BICRAL: variants seen among roughly 807,000 people sequenced by gnomAD.
The protein encoded by BICRAL is BRD4-interacting chromatin-remodeling complex-associated protein-like.
BICRAL carries 8 observed loss-of-function variants against 91.8 expected under a neutral mutation model. The ratio of observed to expected loss-of-function variants is 0.09; its 90% CI spans 0.05 to 0.16. The LOEUF (loss-of-function observed/expected upper bound fraction) is 0.16. BICRAL is among the 10% of genes least tolerant of loss of function. BICRAL has a pLI of 1.00. For missense variants in BICRAL, 1,038 were observed against 1,310.9 expected, an observed-to-expected ratio of 0.79 and a Z score of 3.21; for synonymous variants, 445 against 491.1, an observed-to-expected ratio of 0.91 and a Z score of 1.24.
chr6:42,757,487 C>T (rs1359989314), intron 1 of BICRAL, among the ~76,000 whole-genome samples: 4 of 152,168 alleles, frequency 2.6e-5, no homozygotes, highest in East Asian at 1.9e-4. Flanking sequence ...CTCCTGACTT[C>T]GTGATCCACC....
chr6:42,786,308 T>TTG, intron 1 of BICRAL, among the ~76,000 whole-genome samples: 1 of 152,202 alleles, frequency 6.6e-6, no homozygotes, highest in Non-Finnish European at 1.5e-5. Flanking sequence ...TAAGGAGCAT[T>TTG]TGTTGGATAC....
chr6:42,807,550 T>G (rs1023761299), intron 1 of BICRAL, among the ~76,000 whole-genome samples: 6 of 152,056 alleles, frequency 3.9e-5, no homozygotes. Context: ...CAGTATGGAT[T>G]TCTAAAAGAT....
chr6:42,795,469 A>G (rs1368430119), intron 1 of BICRAL, among the ~76,000 whole-genome samples: 1 of 152,202 alleles, frequency 6.6e-6, no homozygotes, highest in Non-Finnish European at 1.5e-5. Flanking sequence ...AAAATGTGAC[A>G]TAAAACCTAT....
At chr6:42,830,905 C>T (rs1479360450) in intron 6 of BICRAL, among the ~76,000 whole-genome samples, 2 of 152,180 alleles carry the variant, frequency 1.3e-5, no homozygotes, top group African/African-American at 4.8e-5. Flanking sequence ...GCCACCACAC[C>T]CGACCTTTTT....
chr6:42,787,460 T>C (rs529757474), intron 1 of BICRAL, among the ~76,000 whole-genome samples: 2 of 152,142 alleles, frequency 1.3e-5, no homozygotes, highest in Admixed American at 6.5e-5. Flanking sequence ...TTGAGATTGT[T>C]TGTGGCCTTA....
intron 8 of BICRAL, 104 bp from the exon 9 acceptor site, chr6:42,855,752 T>A (rs1266264915): frequency 2.3e-6 from 2 of 884,838 alleles, no homozygotes; most frequent in Non-Finnish European, 3.7e-6. Flanking sequence ...TTAGAATATG[T>A]TCTTGATAGG....
upstream of BICRAL, among the ~76,000 whole-genome samples, chr6:42,778,903 CA>C (rs1762839649): frequency 6.6e-6 from 1 of 152,034 alleles, no homozygotes; most frequent in Admixed American, 6.6e-5. Flanking sequence ...CTGCAACCTC[CA>C]CCTCCTGAGT....
At chr6:42,794,730 C>T (rs988165674) in intron 1 of BICRAL, among the ~76,000 whole-genome samples, 1 of 149,262 alleles carries the variant, frequency 6.7e-6, no homozygotes, top group Non-Finnish European at 1.5e-5. Context: ...GGGCGGATCA[C>T]TTGAGGCCAG....
In BICRAL at chr6:42,764,954, C is replaced by T. The variant is rs115068948; in HGVS notation, c.-260-16885C>T. Among the ~76,000 whole-genome samples, 1,320 of 152,262 alleles carry T rather than the reference C, an allele frequency of 8.7e-3. 18 individuals are homozygous for T. Among genetic ancestry groups the T allele is most frequent in the African/African-American group, 0.029 (1,198 of 41,538 alleles). ...GATTACAGGCATGAGCGACCACGCC[C>T]GGCCTAGGTTATGTTTTAAAAATGT... is the stretch of plus-strand genomic sequence containing the variant. On this transcript the variant is annotated intron_variant, in intron 1 of 14. Coordinates refer to the BICRAL transcript ENST00000614467.
intron 1 of BICRAL, among the ~76,000 whole-genome samples, chr6:42,752,614 T>C (rs1762396647): frequency 6.8e-6 from 1 of 147,298 alleles, no homozygotes; most frequent in African/African-American, 2.5e-5. Flanking sequence ...GCCCAGCTAA[T>C]TTTTTTTTTT....
At chr6:42,776,120 C>T (rs952042855) in intron 1 of BICRAL, among the ~76,000 whole-genome samples, 1 of 152,008 alleles carries the variant, frequency 6.6e-6, no homozygotes, top group African/African-American at 2.4e-5. Flanking sequence ...TTCCTGGATT[C>T]AAGCAATTCT....
chr6:42,770,820 A>G (rs1267032450), intron 1 of BICRAL, among the ~76,000 whole-genome samples: 1 of 151,784 alleles, frequency 6.6e-6, no homozygotes, highest in Admixed American at 6.6e-5. Flanking sequence ...CCTACCGTGT[A>G]GCTGGGATTC....
intron 2 of BICRAL, among the ~76,000 whole-genome samples, chr6:42,814,501 A>T (rs6915672): frequency 1.4e-5 from 1 of 73,494 alleles, no homozygotes; most frequent in African/African-American, 7.7e-5. Flanking sequence ...GTGTGTGTGT[A>T]TATATATATA....
chr6:42,859,088 G>T (rs535835635), intron 10 of BICRAL, among the ~76,000 whole-genome samples: 1 of 151,802 alleles, frequency 6.6e-6, no homozygotes, highest in Non-Finnish European at 1.5e-5. Flanking sequence ...AAGATCCAGC[G>T]TTAAACAGGG....
intron 2 of BICRAL, among the ~76,000 whole-genome samples, chr6:42,821,561 C>A (rs1047648991): frequency 3.9e-5 from 6 of 152,058 alleles, no homozygotes; most frequent in Non-Finnish European, 5.9e-5. Flanking sequence ...CTAAAGATAG[C>A]CAGAATATGG....
At position 42,865,049 on chromosome 6, in the gene BICRAL, A is replaced by G. The variant is rs902717409; in HGVS notation, c.2843A>G (p.Asp948Gly). 57 of 1,614,002 alleles carry G rather than the reference A, an allele frequency of 3.5e-5. No individual in the cohort carries two copies. Among genetic ancestry groups the G allele is most frequent in the Non-Finnish European group, 4.5e-5 (53 of 1,180,054 alleles). ...CACCGGAAAACCTCATCCAGATCGG[A>G]TCATGGTACTGAGAGCAAACTGTCA... ...EGHRKTSSRS[D>G]HGTESKLSSI... is the part of the protein sequence containing the mutation. Residue 948 changes from aspartate (D) to glycine (G), a missense_variant, in exon 13 of 13, where the codon GAT (aspartate) becomes GGT (glycine). Around this residue, in one of 5 missense-constraint regions of BICRAL, gnomAD observed 294 missense variants for 292.6 expected, o/e 1.00. Coordinates refer to ENST00000314073, the MANE Select transcript of BICRAL (RefSeq NM_001393499.1).
upstream of BICRAL, among the ~76,000 whole-genome samples, chr6:42,781,597 G>GTGTA (rs1762910189): frequency 1.5e-5 from 1 of 66,718 alleles, no homozygotes; most frequent in African/African-American, 4.8e-5. Context: ...GGGTGGGTGG[G>GTGTA]TGTGTGTGTG....
At chr6:42,845,170 C>T (rs1764958171) in intron 6 of BICRAL, among the ~76,000 whole-genome samples, 1 of 117,794 alleles carries the variant, frequency 8.5e-6, no homozygotes, top group South Asian at 2.9e-4. Context: ...CTTCGGCTGC[C>T]TTCTCTGTTT....
chr6:42,782,352 GT>G (rs1435839023), intron 1 of BICRAL, among the ~76,000 whole-genome samples: 13 of 136,982 alleles, frequency 9.5e-5, no homozygotes, highest in Admixed American at 2.1e-4. Context: ...TTGGGGGGGG[GT>G]GGGTTTGTGG....
Sources: allele counts gnomAD v4.1 joint callset (sites outside exome capture counted in the v4.1 genomes callset), GRCh38; gene constraint gnomAD v4.1.1; regional missense constraint gnomAD v4.1.1; transcripts MANE v1.5; gene names NCBI Gene and HGNC (gene_info 2026-07-23, HGNC 2026-07-21).